PALLD: variants seen among roughly 807,000 people sequenced by gnomAD.
PALLD encodes the protein palladin.
PALLD carries 61 observed loss-of-function variants against 123.5 expected under a neutral mutation model. The ratio of observed to expected loss-of-function variants is 0.49; its 90% confidence interval spans 0.40 to 0.61. The LOEUF is 0.61. Among genes scored for constraint, PALLD ranks in the 20% least tolerant of loss-of-function variants. PALLD has a pLI of 0.00. For synonymous variants in PALLD, 465 were observed against 496.4 expected, an observed-to-expected ratio of 0.94 and a Z score of 0.84; for missense variants, 1,273 against 1,377.0, an observed-to-expected ratio of 0.92 and a Z score of 1.20.
At chr4:168,557,675 G>T (rs900581989) in intron 2 of PALLD, among the ~76,000 whole-genome samples, 4 of 152,062 alleles carry the variant, frequency 2.6e-5, no homozygotes, top group Admixed American at 2.6e-4. Context: ...CCACTGTTAC[G>T]TAAGGTGCCC....
intron 10 of PALLD, among the ~76,000 whole-genome samples, chr4:168,748,340 C>A (rs1307964922): frequency 6.6e-6 from 1 of 152,150 alleles, no homozygotes; most frequent in Non-Finnish European, 1.5e-5. Flanking sequence ...TGTATTTAAA[C>A]AAGTCCACCA....
intron 2 of PALLD, among the ~76,000 whole-genome samples, chr4:168,626,955 T>C (rs1256611905): frequency 6.6e-6 from 1 of 151,920 alleles, no homozygotes; most frequent in African/African-American, 2.4e-5. Flanking sequence ...GAAGGAGAAA[T>C]AGAAAGTCAT....
At chr4:168,704,869 C>A (rs968500881) in intron 8 of PALLD, among the ~76,000 whole-genome samples, 8 of 151,884 alleles carry the variant, frequency 5.3e-5, no homozygotes, top group African/African-American at 1.9e-4. Context: ...CCAAAAAGAT[C>A]CTGTCTTTGT....
chr4:168,903,995 T>A, intron 15 of PALLD, 89 bp downstream of exon 15: 1 of 1,272,136 alleles, frequency 7.9e-7, no homozygotes, highest in Non-Finnish European at 1.1e-6. Context: ...AAGGTGAAGT[T>A]AAGAAGTTTC....
intron 2 of PALLD, among the ~76,000 whole-genome samples, chr4:168,536,247 CA>C (rs1043282420): frequency 6.6e-6 from 1 of 152,098 alleles, no homozygotes; most frequent in African/African-American, 2.4e-5. Context: ...GCCCTTCCAG[CA>C]AAACAAAACG....
intron 10 of PALLD, among the ~76,000 whole-genome samples, chr4:168,786,634 C>G (rs979545017): frequency 9.2e-5 from 14 of 152,172 alleles, no homozygotes; most frequent in Non-Finnish European, 1.9e-4. Context: ...TGAGCCACTG[C>G]ATTCTAGCTT....
At chr4:168,692,131 T>G (rs959578796) in intron 8 of PALLD, among the ~76,000 whole-genome samples, 3 of 152,200 alleles carry the variant, frequency 2.0e-5, no homozygotes, top group Non-Finnish European at 2.9e-5. Flanking sequence ...TCTTGCCACA[T>G]GTGTCTTAGG....
intron 1 of PALLD, among the ~76,000 whole-genome samples, chr4:168,511,170 G>C (rs1762496534): frequency 6.6e-6 from 1 of 152,254 alleles, no homozygotes; most frequent in Middle Eastern, 3.4e-3. Context: ...CCTACTAATA[G>C]TGCCTACTGC....
At chr4:168,817,536 G>A (rs1742146815) in intron 10 of PALLD, among the ~76,000 whole-genome samples, 1 of 152,182 alleles carries the variant, frequency 6.6e-6, no homozygotes, top group Admixed American at 6.5e-5. Flanking sequence ...GAAACTGTCA[G>A]TACTTGTTTT....
intron 2 of PALLD, among the ~76,000 whole-genome samples, chr4:168,529,086 C>A (rs1764348401): frequency 6.6e-6 from 1 of 152,166 alleles, no homozygotes; most frequent in African/African-American, 2.4e-5. Flanking sequence ...GTGGCTCACA[C>A]CTGTAATTCC....
intron 3 of PALLD, among the ~76,000 whole-genome samples, chr4:168,670,777 A>C (rs1415085581): frequency 2.0e-5 from 2 of 98,650 alleles, no homozygotes; most frequent in Non-Finnish European, 4.0e-5. Flanking sequence ...AAAAAAAACA[A>C]AAAAAAAAAA....
chr4:168,606,457 G>A (rs546405692), intron 2 of PALLD, among the ~76,000 whole-genome samples: 23 of 151,934 alleles, frequency 1.5e-4, no homozygotes, highest in African/African-American at 5.3e-4. Flanking sequence ...GGTGGATCAC[G>A]AGGTCAGGAG....
intron 10 of PALLD, among the ~76,000 whole-genome samples, chr4:168,801,479 C>A (rs1739316181): frequency 6.6e-6 from 1 of 152,128 alleles, no homozygotes; most frequent in Non-Finnish European, 1.5e-5. Context: ...AGGGTTTCAC[C>A]ACGTTAGCCA....
At chr4:168,695,634 A>C (rs1050490601) in intron 8 of PALLD, among the ~76,000 whole-genome samples, 8 of 152,144 alleles carry the variant, frequency 5.3e-5, no homozygotes, top group African/African-American at 1.9e-4. Context: ...TCCATGTAAA[A>C]CATGAAATGA....
At chr4:168,714,229 A>T (rs544020370) in intron 10 of PALLD, among the ~76,000 whole-genome samples, 1 of 152,208 alleles carries the variant, frequency 6.6e-6, no homozygotes, top group African/African-American at 2.4e-5. Context: ...CTTCCAACCC[A>T]GCCCTCTGAA....
chr4:168,608,046 C>T (rs1773357683), intron 2 of PALLD, among the ~76,000 whole-genome samples: 2 of 152,186 alleles, frequency 1.3e-5, no homozygotes, highest in African/African-American at 4.8e-5. Flanking sequence ...AAAGAGCTGG[C>T]TCTTGTTCAG....
intron 8 of PALLD, among the ~76,000 whole-genome samples, chr4:168,693,967 G>GTTAC (rs1191267005): frequency 6.6e-6 from 1 of 152,196 alleles, no homozygotes. Context: ...ACAAGCAAAT[G>GTTAC]TTACAGTGTA....
intron 10 of PALLD, among the ~76,000 whole-genome samples, chr4:168,816,889 G>A (rs1427315023): frequency 2.0e-5 from 3 of 148,488 alleles, no homozygotes; most frequent in East Asian, 4.0e-4. Context: ...AGGGGGAGCC[G>A]TGGGCAAGGG....
At chr4:168,671,025 A>G (rs201066592) in intron 3 of PALLD, among the ~76,000 whole-genome samples, 1 of 15,524 alleles carries the variant, frequency 6.4e-5, no homozygotes. Flanking sequence ...CTCAAAAAAA[A>G]GAAAAAAAAA....
Sources: allele counts gnomAD v4.1 joint callset (sites outside exome capture counted in the v4.1 genomes callset), GRCh38; gene constraint gnomAD v4.1.1; transcripts MANE v1.5; gene names NCBI Gene and HGNC (gene_info 2026-07-23, HGNC 2026-07-21).